DNAJC5B: variants seen among roughly 807,000 people sequenced by gnomAD.
The protein encoded by DNAJC5B is DnaJ heat shock protein family (Hsp40) member C5 beta.
A neutral mutation model predicts 24.7 loss-of-function variants in DNAJC5B; 23 were observed. The ratio of observed to expected loss-of-function variants is 0.93; its 90% CI spans 0.67 to 1.32. The LOEUF (loss-of-function observed/expected upper bound fraction) is 1.32. DNAJC5B is among the 40% of genes most tolerant of loss of function. The pLI is 0.00. For missense variants in DNAJC5B, 238 were observed against 240.8 expected (o/e 0.99, Z 0.08); for synonymous variants, 101 against 90.1 (o/e 1.12, Z -0.68).
chr8:66,044,987 T>C (rs1373233107), intron 2 of DNAJC5B, among the ~76,000 whole-genome samples: 1 of 152,250 alleles, frequency 6.6e-6, no homozygotes, highest in East Asian at 1.9e-4. Flanking sequence ...TTTATGTTAT[T>C]ATGTTCTCAG....
intron 2 of DNAJC5B, among the ~76,000 whole-genome samples, chr8:66,047,840 C>T (rs1806755895): frequency 6.6e-6 from 1 of 152,144 alleles, no homozygotes. Context: ...CCTGTTGTTG[C>T]CAGGCCCACT....
At chr8:66,081,202 T>A (rs1586109228) in intron 5 of DNAJC5B, among the ~76,000 whole-genome samples, 2 of 152,008 alleles carry the variant, frequency 1.3e-5, no homozygotes, top group Non-Finnish European at 1.5e-5. Context: ...AATGAAAAAA[T>A]TTTAAAAATG....
intron 3 of DNAJC5B, among the ~76,000 whole-genome samples, chr8:66,065,864 G>A (rs1807181825): frequency 6.6e-6 from 1 of 152,084 alleles, no homozygotes; most frequent in African/African-American, 2.4e-5. Context: ...GGGCTTACGG[G>A]TCTAGTTATG....
intron 1 of DNAJC5B, among the ~76,000 whole-genome samples, chr8:66,037,534 T>C (rs1442634957): frequency 6.6e-6 from 1 of 151,926 alleles, no homozygotes; most frequent in East Asian, 1.9e-4. Context: ...CCCAAGAGGG[T>C]GTGTGTATGC....
intron 1 of DNAJC5B, among the ~76,000 whole-genome samples, chr8:66,037,082 G>A (rs964895981): frequency 6.6e-6 from 1 of 152,170 alleles, no homozygotes; most frequent in Non-Finnish European, 1.5e-5. Context: ...GCATCTGGAG[G>A]TGAGGCCTGG....
upstream of DNAJC5B, among the ~76,000 whole-genome samples, chr8:66,019,759 A>G (rs1806060757): frequency 1.3e-5 from 2 of 152,194 alleles, no homozygotes; most frequent in African/African-American, 4.8e-5. Flanking sequence ...AGCATAATCC[A>G]TTTTACCACT....
intron 5 of DNAJC5B, among the ~76,000 whole-genome samples, chr8:66,089,521 G>A (rs1490514509): frequency 6.6e-6 from 1 of 152,142 alleles, no homozygotes; most frequent in Non-Finnish European, 1.5e-5. Context: ...CCTGCCTTAA[G>A]ATACTTTTAA....
At chr8:66,079,683 C>T (rs373673696) in intron 4 of DNAJC5B, among the ~76,000 whole-genome samples, 1 of 152,252 alleles carries the variant, frequency 6.6e-6, no homozygotes, top group African/African-American at 2.4e-5. Flanking sequence ...GAGGCAGGAG[C>T]GCCATCACAT....
At chr8:66,054,920 A>T (rs1276098001) in intron 3 of DNAJC5B, among the ~76,000 whole-genome samples, 1 of 152,180 alleles carries the variant, frequency 6.6e-6, no homozygotes, top group Non-Finnish European at 1.5e-5. Flanking sequence ...TTGCATTGTC[A>T]GTTAATTTTT....
chr8:66,099,194 G>A (rs1808020419), intron 5 of DNAJC5B, among the ~76,000 whole-genome samples: 2 of 152,140 alleles, frequency 1.3e-5, no homozygotes, highest in Non-Finnish European at 2.9e-5. Context: ...AGCACATCTT[G>A]CACTGGACCT....
chr8:66,024,330 A>ACTACAGTG (rs367778585), intron 1 of DNAJC5B, among the ~76,000 whole-genome samples: 11 of 152,112 alleles, frequency 7.2e-5, no homozygotes, highest in African/African-American at 2.4e-4. Context: ...TTTTACACAC[A>ACTACAGTG]CTACAGTGTA....
chr8:66,084,456 T>G (rs1285880537), intron 5 of DNAJC5B, among the ~76,000 whole-genome samples: 3 of 152,134 alleles, frequency 2.0e-5, no homozygotes, highest in Admixed American at 2.0e-4. Context: ...ACTTGGGGAA[T>G]CCTTCATTCT....
At chr8:66,051,711 T>C (rs1007464115) in intron 3 of DNAJC5B, 45 bp downstream of exon 3, 9 of 1,435,460 alleles carry the variant, frequency 6.3e-6, no homozygotes, top group Non-Finnish European at 8.7e-6. Flanking sequence ...TAGTGAGTTA[T>C]TTTGTGACTG....
intron 3 of DNAJC5B, among the ~76,000 whole-genome samples, chr8:66,055,222 CT>C (rs142360879): frequency 0.023 from 3,462 of 152,260 alleles, 131 homozygotes; most frequent in African/African-American, 0.077. Context: ...TACTAGTATG[CT>C]GCCAAAAGCA....
intron 1 of DNAJC5B, among the ~76,000 whole-genome samples, chr8:66,029,885 G>A (rs917520876): frequency 6.6e-6 from 1 of 152,058 alleles, no homozygotes; most frequent in Non-Finnish European, 1.5e-5. Context: ...GGGGGTGGTC[G>A]AGAGCCCCTC....
intron 3 of DNAJC5B, among the ~76,000 whole-genome samples, chr8:66,054,135 A>C (rs1422173930): frequency 1.3e-5 from 2 of 151,916 alleles, no homozygotes; most frequent in African/African-American, 2.4e-5. Context: ...TCAATTACTT[A>C]TTTTCTTATG....
At chr8:66,038,451 C>T (rs1052320909) in intron 1 of DNAJC5B, among the ~76,000 whole-genome samples, 2 of 152,140 alleles carry the variant, frequency 1.3e-5, no homozygotes, top group African/African-American at 4.8e-5. Flanking sequence ...ATGCTTTTAC[C>T]ATCACCAAAC....
At position 66,080,498 on chromosome 8, in the gene DNAJC5B, A is replaced by G. The variant is rs571495249; in HGVS notation, c.455A>G (p.Tyr152Cys). ...TCATCAGTGCCAGAAGAGGACTTCT[A>G]TGTGTCCCCAGAGGATCTGGAGGAG... The part of the protein sequence containing the change: ...PESSVPEEDF[Y>C]VSPEDLEEQI... The change falls in exon 5 of 6, where the codon TAT becomes TGT. Residue 152 changes from tyrosine to cysteine, a missense_variant. Coordinates refer to ENST00000276570, the MANE Select transcript of DNAJC5B (RefSeq NM_033105.6). 6.4e-5 allele frequency: 104 copies of G among 1,613,698 alleles called. 1 individual carries two copies. The South Asian group carries it at 1.1e-3, about 17-fold the overall frequency.
At chr8:66,040,281 T>C (rs574482826) in intron 1 of DNAJC5B, among the ~76,000 whole-genome samples, 1 of 152,174 alleles carries the variant, frequency 6.6e-6, no homozygotes, top group East Asian at 1.9e-4. Flanking sequence ...TCCCAGCTAC[T>C]TGGGAGGCTG....
Sources: allele counts gnomAD v4.1 joint callset (sites outside exome capture counted in the v4.1 genomes callset), GRCh38; gene constraint gnomAD v4.1.1; transcripts MANE v1.5; gene names NCBI Gene and HGNC (gene_info 2026-07-23, HGNC 2026-07-21).